Variants in GALNT13 observed in about 807,000 individuals in gnomAD.
GALNT13 encodes UDP-GalNAc:polypeptide N-acetylgalactosaminyltransferase 13.
Under a neutral mutation model 64.2 loss-of-function variants are expected in GALNT13, and 28 were observed. The ratio of observed to expected loss-of-function variants is 0.44; its 90% CI spans 0.32 to 0.60. The LOEUF is 0.60. Ranked by LOEUF, GALNT13 falls within the 20% of genes least tolerant of loss-of-function variation. GALNT13 has a pLI of 0.05. For missense variants in GALNT13, 577 were observed against 669.8 expected, an observed-to-expected ratio of 0.86 and a Z score of 1.53; for synonymous variants, 214 against 224.6, an observed-to-expected ratio of 0.95 and a Z score of 0.42.
chr2:154,015,448 A>G (rs993773566), intron 3 of GALNT13, among the ~76,000 whole-genome samples: 32 of 152,202 alleles, frequency 2.1e-4, no homozygotes, highest in Non-Finnish European at 3.8e-4. Context: ...CACTATATCA[A>G]TAAGATGTGT....
At chr2:154,298,748 A>ATTG (rs1200984794) in intron 8 of GALNT13, among the ~76,000 whole-genome samples, 1 of 78,794 alleles carries the variant, frequency 1.3e-5, no homozygotes, top group Non-Finnish European at 2.5e-5. Context: ...GTATATATAA[A>ATTG]TATATATACT....
chr2:154,306,211 T>C (rs1693723078), intron 9 of GALNT13, among the ~76,000 whole-genome samples: 1 of 152,106 alleles, frequency 6.6e-6, no homozygotes, highest in African/African-American at 2.4e-5. Flanking sequence ...TGCAGGTTTG[T>C]TACATAGGTA....
At chr2:153,526,541 G>T in the GALNT13 span, among the ~76,000 whole-genome samples, 1 of 152,178 alleles carries the variant, frequency 6.6e-6, no homozygotes, top group Non-Finnish European at 1.5e-5. Flanking sequence ...CAACACCCAA[G>T]TTCTTTCCAA....
At chr2:153,780,949 G>A in the GALNT13 span, among the ~76,000 whole-genome samples, 5 of 152,158 alleles carry the variant, frequency 3.3e-5, no homozygotes, top group African/African-American at 1.2e-4. Flanking sequence ...ACAATGCCAT[G>A]TGATAAACTC....
chr2:154,239,381 T>C (rs1003354979), intron 4 of GALNT13, among the ~76,000 whole-genome samples: 4 of 152,182 alleles, frequency 2.6e-5, no homozygotes, highest in East Asian at 1.9e-4. Context: ...TGTTGGCTTT[T>C]GGACTGCTTT....
chr2:153,475,662 G>A, the GALNT13 span, among the ~76,000 whole-genome samples: 2 of 152,176 alleles, frequency 1.3e-5, no homozygotes, highest in African/African-American at 2.4e-5. Context: ...GAAACTCTAA[G>A]CATGTGCCCG....
chr2:153,610,103 A>G, the GALNT13 span, among the ~76,000 whole-genome samples: 2 of 152,286 alleles, frequency 1.3e-5, no homozygotes, highest in East Asian at 3.9e-4. Context: ...CTCATATCCC[A>G]TCATTCATAG....
intron 8 of GALNT13, among the ~76,000 whole-genome samples, chr2:154,286,113 G>A (rs901509526): frequency 2.0e-5 from 3 of 152,120 alleles, no homozygotes; most frequent in African/African-American, 7.2e-5. Context: ...CTGCATATAA[G>A]ATCGTGTCAT....
the GALNT13 span, among the ~76,000 whole-genome samples, chr2:153,256,892 C>G: frequency 1.1e-4 from 16 of 152,256 alleles, no homozygotes; most frequent in Admixed American, 3.3e-4. Flanking sequence ...GCAGAGGTTA[C>G]TGTTGTCTTT....
chr2:153,094,830 G>T, the GALNT13 span, among the ~76,000 whole-genome samples: 1 of 152,158 alleles, frequency 6.6e-6, no homozygotes. Flanking sequence ...AAACTGCCTA[G>T]CCATATGTAG....
chr2:154,080,547 CATT>C (rs759213842), intron 3 of GALNT13, among the ~76,000 whole-genome samples: 13 of 151,522 alleles, frequency 8.6e-5, no homozygotes, highest in Non-Finnish European at 1.0e-4. Context: ...TCATTAAAAA[CATT>C]ATTTCTCTCA....
chr2:154,295,207 T>A (rs1232332644), intron 8 of GALNT13, among the ~76,000 whole-genome samples: 1 of 152,172 alleles, frequency 6.6e-6, no homozygotes, highest in African/African-American at 2.4e-5. Context: ...CTGAATTTAG[T>A]GGAGTACAGA....
chr2:153,652,593 C>G, the GALNT13 span, among the ~76,000 whole-genome samples: 918 of 152,104 alleles, frequency 6.0e-3, 43 homozygotes, highest in Admixed American at 0.054. Flanking sequence ...CCAGCCTGGG[C>G]AACAGAGTGA....
chr2:154,298,612 T>TTTATATATAAATTGTATATATAAA (rs1693149358), intron 8 of GALNT13, among the ~76,000 whole-genome samples: 1 of 15,176 alleles, frequency 6.6e-5, no homozygotes, highest in African/African-American at 3.1e-4. Context: ...TATATATTAA[T>TTTATATATAAATTGTATATATAAA]TTATATATAC....
the GALNT13 span, among the ~76,000 whole-genome samples, chr2:153,452,862 G>T: frequency 6.6e-6 from 1 of 152,064 alleles, no homozygotes; most frequent in South Asian, 2.1e-4. Context: ...TTACATACCT[G>T]ACCTCAAACT....
chr2:153,975,885 G>T (rs1187358804), intron 3 of GALNT13, among the ~76,000 whole-genome samples: 1 of 152,036 alleles, frequency 6.6e-6, no homozygotes, highest in East Asian at 1.9e-4. Context: ...TAGTTTAATT[G>T]TCATAATGAT....
At chr2:153,423,284 C>G in the GALNT13 span, among the ~76,000 whole-genome samples, 2 of 151,722 alleles carry the variant, frequency 1.3e-5, no homozygotes, top group Non-Finnish European at 3.0e-5. Flanking sequence ...TATTTCAATA[C>G]ATGCAGGAAA....
chr2:154,250,784 A>G (rs1690027215), intron 7 of GALNT13, among the ~76,000 whole-genome samples: 1 of 152,058 alleles, frequency 6.6e-6, no homozygotes, highest in South Asian at 2.1e-4. Flanking sequence ...TCCAACCATA[A>G]TATACGTTTG....
the GALNT13 span, among the ~76,000 whole-genome samples, chr2:153,297,630 C>T: frequency 1.3e-3 from 196 of 152,158 alleles, 6 homozygotes; most frequent in East Asian, 0.036. Context: ...TTGTAATGTA[C>T]AAGGATGAGC....
Sources: gnomAD v4.1 joint callset for allele counts (sites outside exome capture counted in the v4.1 genomes callset) on GRCh38, gnomAD v4.1.1 for gene constraint, MANE v1.5 for transcripts, NCBI Gene and HGNC (gene_info 2026-07-23, HGNC 2026-07-21) for gene names.